Variants in SREK1IP1 observed in about 807,000 individuals in gnomAD.
SREK1IP1 encodes SREK1 interacting protein 1.
A neutral mutation model predicts 22.8 loss-of-function variants in SREK1IP1; 12 were observed. The ratio of observed to expected loss-of-function variants is 0.53; its 90% CI spans 0.34 to 0.85. The LOEUF (loss-of-function observed/expected upper bound fraction) is 0.85. SREK1IP1 is among the 40% of genes least tolerant of loss of function. The probability of loss-of-function intolerance (pLI) is 0.02; values close to 1 mark genes in which losing one functional copy is unlikely to be tolerated. For synonymous variants in SREK1IP1, 53 were observed against 52.7 expected (o/e 1.01, Z -0.02); for missense variants, 147 against 171.8 (o/e 0.86, Z 0.81).
Position 64,719,557 on chromosome 5 carries a change from T to G in SREK1IP1, c.*4827A>C, listed in dbSNP as rs1440452300. ...CAGTAATTTAATAATATTACCATATTGTCTCAGGTGAAAATCTAGGTTGAG... is the reference window on the plus strand; with the variant it reads ...CAGTAATTTAATAATATTACCATATGGTCTCAGGTGAAAATCTAGGTTGAG... On this transcript the variant is annotated 3_prime_UTR_variant, in exon 5 of 5. Coordinates refer to ENST00000513458, the MANE Select transcript of SREK1IP1 (RefSeq NM_173829.4). The G allele has an allele frequency of 6.6e-6, 1 of 152,204 alleles. No homozygotes were observed. Among genetic ancestry groups the G allele is most frequent in the Non-Finnish European group, 1.5e-5 (1 of 68,036 alleles). The allele number at this position is 152,204 out of a possible 1,614,324, so 9.4% of individuals were successfully genotyped here.
At chr5:64,730,772 G>C (rs1742364514) in intron 3 of SREK1IP1, among the ~76,000 whole-genome samples, 1 of 152,060 alleles carries the variant, frequency 6.6e-6, no homozygotes, top group South Asian at 2.1e-4. Flanking sequence ...CTGAGATTAG[G>C]GATCATGAAT....
intron 1 of SREK1IP1, among the ~76,000 whole-genome samples, chr5:64,766,687 T>C (rs944884294): frequency 9.9e-5 from 15 of 152,224 alleles, no homozygotes; most frequent in African/African-American, 3.4e-4. Context: ...AGTTATCCTA[T>C]ACGATGGCAA....
chr5:64,732,380 G>A (rs1204085226), intron 3 of SREK1IP1, among the ~76,000 whole-genome samples: 2 of 152,034 alleles, frequency 1.3e-5, no homozygotes, highest in Non-Finnish European at 2.9e-5. Context: ...TCCAGAATCA[G>A]CTCAGCAAGA....
chr5:64,741,829 T>C (rs971426470), intron 2 of SREK1IP1, among the ~76,000 whole-genome samples: 3 of 152,104 alleles, frequency 2.0e-5, no homozygotes, highest in Non-Finnish European at 2.9e-5. Context: ...GAAAATAATA[T>C]AACCAATACC....
At chr5:64,731,719 A>T (rs570892731) in intron 3 of SREK1IP1, among the ~76,000 whole-genome samples, 1 of 152,264 alleles carries the variant, frequency 6.6e-6, no homozygotes, top group African/African-American at 2.4e-5. Context: ...ACAATCAGTG[A>T]GAAGTATGTA....
At chr5:64,743,821 T>C (rs1350502603) in intron 2 of SREK1IP1, among the ~76,000 whole-genome samples, 1 of 152,108 alleles carries the variant, frequency 6.6e-6, no homozygotes, top group Non-Finnish European at 1.5e-5. Context: ...AGTCTGAAAT[T>C]ATAATGGTTC....
intron 2 of SREK1IP1, among the ~76,000 whole-genome samples, chr5:64,750,648 A>C (rs1742725760): frequency 6.6e-6 from 1 of 152,062 alleles, no homozygotes; most frequent in Non-Finnish European, 1.5e-5. Flanking sequence ...GTCCTGTCCT[A>C]CTCAAACTCC....
intron 1 of SREK1IP1, among the ~76,000 whole-genome samples, chr5:64,763,599 A>G (rs1222275189): frequency 6.6e-6 from 1 of 152,226 alleles, no homozygotes; most frequent in Non-Finnish European, 1.5e-5. Flanking sequence ...AAGAAGAGAC[A>G]GAAATTTAAT....
chr5:64,740,655 T>C (rs1169760915), intron 3 of SREK1IP1, among the ~76,000 whole-genome samples: 2 of 152,122 alleles, frequency 1.3e-5, no homozygotes, highest in African/African-American at 2.4e-5. Flanking sequence ...TGAGCATCAT[T>C]TGACAATCCA....
rs1742194916 is a variant in SREK1IP1, at chr5:64,722,839, G to C, written c.*1545C>G. On this transcript the variant is annotated 3_prime_UTR_variant, in exon 5 of 5. Transcript: ENST00000513458. ...TTAAGCATGGGTAAGCATATGTTAA[G>C]AGGAGTTATAAGGCTCCCTGAGTCT... is the stretch of plus-strand genomic sequence containing the variant. 6.6e-6 allele frequency: 1 copy of C among 152,234 alleles called. No individual in the cohort carries two copies. Among genetic ancestry groups the C allele is most frequent in the Non-Finnish European group, 1.5e-5 (1 of 68,038 alleles). The allele number at this position is 152,234 out of a possible 1,614,324, so 9.4% of individuals were successfully genotyped here.
In SREK1IP1 at chr5:64,761,485, C is replaced by T. The variant is rs145724692; in HGVS notation, c.13+7020G>A. On this transcript the variant is annotated intron_variant, in intron 1 of 4. Coordinates refer to ENST00000513458, the MANE Select transcript of SREK1IP1 (RefSeq NM_173829.4). ...TGATATAGCCTGCTATACACCTAGGCTATATGGTATAGCCTACTGCTCCTA... is the reference window on the plus strand; with the variant it reads ...TGATATAGCCTGCTATACACCTAGGTTATATGGTATAGCCTACTGCTCCTA... Among the ~76,000 whole-genome samples, 356 of 152,246 alleles carry T rather than the reference C, an allele frequency of 2.3e-3. 1 individual carries two copies. Among genetic ancestry groups the T allele is most frequent in the African/African-American group, 7.5e-3 (312 of 41,538 alleles).
intron 4 of SREK1IP1, 148 bp from the exon 5 acceptor site, chr5:64,724,721 C>A: frequency 1.6e-6 from 1 of 620,446 alleles, no homozygotes; most frequent in East Asian, 3.0e-5. Context: ...TTTGCATTCC[C>A]TTAAAACGAT....
chr5:64,728,065 C>CA (rs1742304955), intron 4 of SREK1IP1, 42 bp downstream of exon 4: 1 of 1,280,236 alleles, frequency 7.8e-7, no homozygotes, highest in Admixed American at 3.9e-5. Flanking sequence ...ATCCTAAACT[C>CA]ATAGGCCTGC....
intron 2 of SREK1IP1, among the ~76,000 whole-genome samples, chr5:64,750,458 T>C (rs1742722037): frequency 1.3e-5 from 2 of 152,332 alleles, no homozygotes; most frequent in South Asian, 4.1e-4. Flanking sequence ...TTACTATTTC[T>C]CTGGGTTGTT....
chr5:64,737,546 C>T (rs1742485781), intron 3 of SREK1IP1, among the ~76,000 whole-genome samples: 1 of 113,280 alleles, frequency 8.8e-6, no homozygotes, highest in African/African-American at 3.2e-5. Flanking sequence ...CTCAAAAAAA[C>T]ACAACCAAAC....
chr5:64,748,806 G>C (rs1176265871), intron 2 of SREK1IP1, among the ~76,000 whole-genome samples: 1 of 152,154 alleles, frequency 6.6e-6, no homozygotes, highest in Non-Finnish European at 1.5e-5. Flanking sequence ...CACATAGCTA[G>C]TAAGTGCCAG....
chr5:64,747,656 C>T (rs530994918), intron 2 of SREK1IP1, among the ~76,000 whole-genome samples: 62 of 151,480 alleles, frequency 4.1e-4, no homozygotes, highest in African/African-American at 1.4e-3. Flanking sequence ...CGGCCGGGCG[C>T]GGTGGCTCAC....
intron 3 of SREK1IP1, among the ~76,000 whole-genome samples, chr5:64,729,607 G>A (rs939125578): frequency 2.0e-5 from 3 of 152,134 alleles, no homozygotes; most frequent in Admixed American, 6.5e-5. Context: ...CTGTGTGATC[G>A]GCAGACTTAC....
intron 3 of SREK1IP1, among the ~76,000 whole-genome samples, chr5:64,735,366 G>A (rs1742444909): frequency 6.6e-6 from 1 of 151,862 alleles, no homozygotes; most frequent in Non-Finnish European, 1.5e-5. Context: ...ATCTGGTTTT[G>A]TTATAAGGGT....
Sources: gnomAD v4.1 joint callset for allele counts (sites outside exome capture counted in the v4.1 genomes callset) on GRCh38, gnomAD v4.1.1 for gene constraint, MANE v1.5 for transcripts, NCBI Gene and HGNC (gene_info 2026-07-23, HGNC 2026-07-21) for gene names.